Variants in KLHL1 observed in about 807,000 individuals in gnomAD.
The protein encoded by KLHL1 is kelch-like protein 1.
In KLHL1, 47 loss-of-function variants were observed where a neutral mutation model predicts 77.7. The observed-to-expected ratio is 0.60, with a 90% CI of 0.48 to 0.77. KLHL1 has a LOEUF of 0.77. Ranked by LOEUF, KLHL1 falls within the 30% of genes least tolerant of loss-of-function variation. The pLI is 0.00. For synonymous variants in KLHL1, 360 were observed against 325.2 expected (o/e 1.11, Z -1.15); for missense variants, 925 against 910.8 (o/e 1.02, Z -0.20).
chr13:69,898,383 T>A (rs1881723269), intron 4 of KLHL1, among the ~76,000 whole-genome samples: 1 of 152,066 alleles, frequency 6.6e-6, no homozygotes, highest in Non-Finnish European at 1.5e-5. Context: ...AGACCAGAGT[T>A]TAATGGAGAG....
chr13:69,706,585 TGAG>T (rs1267795409), intron 10 of KLHL1, among the ~76,000 whole-genome samples: 1 of 151,916 alleles, frequency 6.6e-6, no homozygotes, highest in Non-Finnish European at 1.5e-5. Flanking sequence ...TGAGGCAATA[TGAG>T]GAGATGTGGT....
intron 4 of KLHL1, among the ~76,000 whole-genome samples, chr13:69,915,803 G>C (rs1371947399): frequency 6.6e-6 from 1 of 151,942 alleles, no homozygotes; most frequent in African/African-American, 2.4e-5. Context: ...AGAGTGAAAA[G>C]GCAACCTACA....
intron 6 of KLHL1, among the ~76,000 whole-genome samples, chr13:69,813,443 T>C (rs1877978210): frequency 6.6e-6 from 1 of 150,608 alleles, no homozygotes; most frequent in Admixed American, 6.6e-5. Context: ...CTGCATGTTG[T>C]GCACATATAA....
At chr13:69,757,628 T>C (rs1874810138) in intron 7 of KLHL1, among the ~76,000 whole-genome samples, 1 of 152,146 alleles carries the variant, frequency 6.6e-6, no homozygotes, top group Non-Finnish European at 1.5e-5. Flanking sequence ...GGCTGTCAAA[T>C]AGGTTAAAGG....
intron 5 of KLHL1, among the ~76,000 whole-genome samples, chr13:69,840,698 A>ATATATATATATG (rs976775077): frequency 6.8e-6 from 1 of 146,276 alleles, no homozygotes; most frequent in African/African-American, 2.5e-5. Flanking sequence ...ATATATATAT[A>ATATATATATATG]TATGTATGTA....
chr13:69,929,520 G>T (rs997174108), intron 4 of KLHL1, among the ~76,000 whole-genome samples: 11 of 151,814 alleles, frequency 7.2e-5, no homozygotes, highest in African/African-American at 2.7e-4. Flanking sequence ...TTTAGTCTAT[G>T]TGTACCTAGT....
At chr13:69,773,389 T>C (rs1875671591) in intron 7 of KLHL1, among the ~76,000 whole-genome samples, 1 of 152,114 alleles carries the variant, frequency 6.6e-6, no homozygotes, top group African/African-American at 2.4e-5. Flanking sequence ...CTCTCCTCTA[T>C]GTCCCAGTTA....
chr13:69,701,248 G>GA lies in KLHL1; in HGVS notation c.*453dup, dbSNP rs1875378277. 2 of 152,678 alleles carry GA rather than the reference G, an allele frequency of 1.3e-5. No individual in the cohort carries two copies. Among genetic ancestry groups the GA allele is most frequent in the Non-Finnish European group, 2.9e-5 (2 of 68,248 alleles). 9.5% of individuals were successfully genotyped at this position (152,678 alleles called of 1,614,324 possible). On this transcript the variant is annotated 3_prime_UTR_variant, in exon 11 of 11. Transcript: ENST00000377844. The stretch of plus-strand genomic sequence containing the variant: ...TTCCCGTTATGACCACATATGATTA[G>GA]AAAAACAGTAAACCAATCAGATACT...
intron 2 of KLHL1, among the ~76,000 whole-genome samples, chr13:69,966,791 A>T (rs1884224176): frequency 6.6e-6 from 1 of 151,886 alleles, no homozygotes. Flanking sequence ...GATCTCCATT[A>T]TCTATTATTC....
intron 1 of KLHL1, among the ~76,000 whole-genome samples, chr13:70,083,986 GAAGA>G (rs1180053807): frequency 2.0e-5 from 3 of 151,972 alleles, no homozygotes; most frequent in Non-Finnish European, 1.5e-5. Context: ...ATACACTCTA[GAAGA>G]AAGTCACTCA....
At chr13:70,028,645 G>A (rs771436173) in intron 1 of KLHL1, among the ~76,000 whole-genome samples, 92 of 152,062 alleles carry the variant, frequency 6.1e-4, no homozygotes, top group Admixed American at 3.3e-4. Flanking sequence ...TATTAATGAG[G>A]GAACAATTTT....
chr13:69,751,541 G>A, intron 7 of KLHL1, among the ~76,000 whole-genome samples: 1 of 152,046 alleles, frequency 6.6e-6, no homozygotes, highest in East Asian at 1.9e-4. Context: ...GTTGTGATAA[G>A]AAGAATTAGA....
At chr13:69,979,439 A>G (rs1884644419) in intron 1 of KLHL1, among the ~76,000 whole-genome samples, 1 of 150,054 alleles carries the variant, frequency 6.7e-6, no homozygotes, top group South Asian at 2.1e-4. Context: ...CAGAACACTT[A>G]TAATTTTTAA....
chr13:69,701,730 G>A lies in KLHL1; in HGVS notation c.2219C>T (p.Ala740Val), dbSNP rs773336015. The A allele has an allele frequency of 2.5e-6, 4 of 1,607,320 alleles. No individual in the cohort carries two copies. The highest frequency in any genetic ancestry group is 1.7e-5 in the Admixed American group (1 of 59,464). The change falls in exon 11 of 11, where the codon GCC (alanine) becomes GTC (valine). Residue 740 changes from alanine (A) to valine (V), a missense_variant. Transcript: ENST00000377844. ...AGGTTGCTTGATGACTACCACACAGGCACCTGCTCTCCCAATATTCAAGGA... is the reference window on the plus strand; with the variant it reads ...AGGTTGCTTGATGACTACCACACAGACACCTGCTCTCCCAATATTCAAGGA... ...MASLNIGRAGACVVVIKQP is the reference protein window; with the variant it reads ...MASLNIGRAGVCVVVIKQP
At chr13:69,783,972 T>G (rs936691498) in intron 7 of KLHL1, among the ~76,000 whole-genome samples, 1 of 152,154 alleles carries the variant, frequency 6.6e-6, no homozygotes, top group African/African-American at 2.4e-5. Flanking sequence ...CCCATCAGAC[T>G]AACAGCTGAT....
At chr13:69,875,905 T>A (rs1880744903) in intron 5 of KLHL1, among the ~76,000 whole-genome samples, 1 of 152,056 alleles carries the variant, frequency 6.6e-6, no homozygotes, top group African/African-American at 2.4e-5. Flanking sequence ...ACTATCTCAA[T>A]AATGATGGCC....
At chr13:69,829,821 C>T (rs1878691453) in intron 6 of KLHL1, among the ~76,000 whole-genome samples, 2 of 150,030 alleles carry the variant, frequency 1.3e-5, no homozygotes, top group Middle Eastern at 3.2e-3. Context: ...AAACAATTAT[C>T]GACCAAGAAT....
intron 1 of KLHL1, among the ~76,000 whole-genome samples, chr13:70,007,295 T>C (rs1885429164): frequency 6.6e-6 from 1 of 152,038 alleles, no homozygotes; most frequent in Non-Finnish European, 1.5e-5. Flanking sequence ...TTTTATAAGT[T>C]TCTTCCAGTA....
intron 3 of KLHL1, among the ~76,000 whole-genome samples, chr13:69,952,752 A>G (rs1883750407): frequency 6.6e-6 from 1 of 151,378 alleles, no homozygotes; most frequent in South Asian, 2.1e-4. Context: ...TCGTGTTCCC[A>G]TTATAAGTGT....
Sources: gnomAD v4.1 joint callset for allele counts (sites outside exome capture counted in the v4.1 genomes callset) on GRCh38, gnomAD v4.1.1 for gene constraint, MANE v1.5 for transcripts, NCBI Gene and HGNC (gene_info 2026-07-23, HGNC 2026-07-21) for gene names.